HIKESHI: variants seen among roughly 807,000 people sequenced by gnomAD.
HIKESHI encodes the protein protein Hikeshi.
HIKESHI carries 13 observed loss-of-function variants against 25.7 expected under a neutral mutation model. That is an observed-to-expected ratio of 0.51 (90% CI 0.33 to 0.80). HIKESHI has a LOEUF of 0.80. HIKESHI is among the 30% of genes least tolerant of loss of function. The probability of loss-of-function intolerance (pLI) is 0.02; values close to 1 mark genes in which losing one functional copy is unlikely to be tolerated. For synonymous variants in HIKESHI, 76 were observed against 78.7 expected, an observed-to-expected ratio of 0.97 and a Z score of 0.18; for missense variants, 174 against 229.5, an observed-to-expected ratio of 0.76 and a Z score of 1.56.
intron 4 of HIKESHI, 60 bp downstream of exon 4, chr11:86,344,781 C>G: frequency 9.0e-7 from 1 of 1,109,082 alleles, no homozygotes; most frequent in Non-Finnish European, 1.4e-6. Context: ...TCTATTTTGT[C>G]TATGAATATA....
At chr11:86,324,239 G>A (rs1017704374) in intron 2 of HIKESHI, 2 of 152,166 alleles carry the variant, frequency 1.3e-5, no homozygotes, top group African/African-American at 4.8e-5. Context: ...TAGAACTCCT[G>A]CGCTCAAACA....
chr11:86,336,478 G>A (rs1481900224), intron 2 of HIKESHI, among the ~76,000 whole-genome samples: 1 of 152,130 alleles, frequency 6.6e-6, no homozygotes, highest in East Asian at 1.9e-4. Context: ...AAGATCACTT[G>A]CCCTACTACC....
At chr11:86,309,567 T>C (rs1236608883) in intron 2 of HIKESHI, among the ~76,000 whole-genome samples, 3 of 152,220 alleles carry the variant, frequency 2.0e-5, no homozygotes, top group Admixed American at 2.0e-4. Flanking sequence ...AGAAGTTCTT[T>C]AGTTTAATTA....
intron 2 of HIKESHI, among the ~76,000 whole-genome samples, chr11:86,320,597 T>C (rs1332452225): frequency 6.6e-6 from 1 of 152,066 alleles, no homozygotes. Flanking sequence ...GCAAAGAAAA[T>C]TTATTTTTTA....
chr11:86,333,542 A>G (rs887304635), intron 2 of HIKESHI, among the ~76,000 whole-genome samples: 1 of 130,922 alleles, frequency 7.6e-6, no homozygotes, highest in Admixed American at 8.3e-5. Flanking sequence ...CTCAACAACA[A>G]CAACAACAAA....
chr11:86,328,723 T>G (rs1947346750), intron 2 of HIKESHI, among the ~76,000 whole-genome samples: 1 of 152,024 alleles, frequency 6.6e-6, no homozygotes, highest in Admixed American at 6.5e-5. Context: ...ATTACAGGCA[T>G]GAGCCACCAT....
rs571974010 is a variant in HIKESHI, at chr11:86,311,755, C to T, written c.268+5273C>T. Among the ~76,000 whole-genome samples the T allele has an allele frequency of 7.2e-5, 11 of 152,212 alleles. No individual in the cohort carries two copies. In the East Asian group the frequency reaches 2.1e-3, roughly 29 times the overall value. On this transcript the variant is annotated intron_variant, in intron 2 of 4. Transcript: ENST00000278483. ...AATGTGTCCCAGAGTTTCTGGTATGCTGTGTCTTTATTCTTATTGGTTTCA... is the reference window on the plus strand; with the variant it reads ...AATGTGTCCCAGAGTTTCTGGTATGTTGTGTCTTTATTCTTATTGGTTTCA...
chr11:86,307,971 A>ATAT (rs201641902), intron 2 of HIKESHI, among the ~76,000 whole-genome samples: 7,257 of 74,478 alleles, frequency 0.097, 2,321 homozygotes, highest in African/African-American at 0.2. Flanking sequence ...TATAAAATAT[A>ATAT]TATGTGTAAT....
chr11:86,337,318 A>G (rs1450041400), intron 2 of HIKESHI, 61 bp from the exon 3 acceptor site: 1 of 1,480,396 alleles, frequency 6.8e-7, no homozygotes, highest in South Asian at 1.3e-5. Flanking sequence ...TAAATTTACA[A>G]AGGAAATTGT....
In HIKESHI at chr11:86,311,396, C is replaced by T. The variant is rs112642017; in HGVS notation, c.268+4914C>T. 6.5e-3 allele frequency among the ~76,000 whole-genome samples: 991 copies of T among 152,192 alleles called. 14 individuals carry two copies. Among genetic ancestry groups the T allele is most frequent in the African/African-American group, 0.022 (901 of 41,526 alleles). Reference sequence around the variant, plus strand: ...ATGGTAGTTTGTATTTCTGTGGGATCGGTGGTGATATCCCCTTTATCATTT... The same window carrying T: ...ATGGTAGTTTGTATTTCTGTGGGATTGGTGGTGATATCCCCTTTATCATTT... On this transcript the variant is annotated intron_variant, in intron 2 of 4. Transcript: ENST00000278483.
chr11:86,313,756 A>G (rs1359036223), intron 2 of HIKESHI, among the ~76,000 whole-genome samples: 1 of 152,164 alleles, frequency 6.6e-6, no homozygotes, highest in African/African-American at 2.4e-5. Context: ...CAAAGTGTGG[A>G]GGGAGAATAG....
At chr11:86,328,696 G>T (rs1469483962) in intron 2 of HIKESHI, among the ~76,000 whole-genome samples, 1 of 151,774 alleles carries the variant, frequency 6.6e-6, no homozygotes, top group Non-Finnish European at 1.5e-5. Flanking sequence ...CCTGCCTCGG[G>T]CTTCCAAAGT....
chr11:86,328,458 G>A (rs1172963352), intron 2 of HIKESHI, among the ~76,000 whole-genome samples: 1 of 149,320 alleles, frequency 6.7e-6, no homozygotes. Flanking sequence ...TTGAGACGGA[G>A]TCTGGCTCTG....
chr11:86,311,144 A>G (rs1946823136), intron 2 of HIKESHI, among the ~76,000 whole-genome samples: 1 of 152,184 alleles, frequency 6.6e-6, no homozygotes, highest in Non-Finnish European at 1.5e-5. Flanking sequence ...GGTACCAGCT[A>G]TTCTTTGTAC....
At chr11:86,334,488 T>C (rs1310566757) in intron 2 of HIKESHI, among the ~76,000 whole-genome samples, 3 of 152,226 alleles carry the variant, frequency 2.0e-5, no homozygotes, top group Admixed American at 2.0e-4. Context: ...CTTGATCTAA[T>C]TTACATTTGT....
intron 4 of HIKESHI, chr11:86,345,063 A>C: frequency 1.0e-6 from 1 of 1,001,698 alleles, no homozygotes; most frequent in Non-Finnish European, 1.2e-6. Context: ...TGGCTAATGA[A>C]TCTATTTTCC....
chr11:86,328,972 G>A (rs1335951979), intron 2 of HIKESHI, among the ~76,000 whole-genome samples: 2 of 151,398 alleles, frequency 1.3e-5, no homozygotes, highest in African/African-American at 4.9e-5. Context: ...TGTAACTGCT[G>A]TTTTCTGCCA....
chr11:86,314,468 A>G (rs892270346), intron 2 of HIKESHI, among the ~76,000 whole-genome samples: 2 of 152,156 alleles, frequency 1.3e-5, no homozygotes, highest in African/African-American at 4.8e-5. Flanking sequence ...ACAAAAAATT[A>G]GCCAGGCATG....
rs1465198987 is a variant in HIKESHI, at chr11:86,302,306, C to T, written c.-143C>T. 1.3e-5 allele frequency: 13 copies of T among 977,694 alleles called. No individual in the cohort carries two copies. Among genetic ancestry groups the T allele is most frequent in the Non-Finnish European group, 2.0e-5 (13 of 640,850 alleles). The allele number at this position is 977,694 out of a possible 1,614,324, so 60.6% of individuals were successfully genotyped here. On this transcript the variant is annotated 5_prime_UTR_variant, in exon 1 of 5. Coordinates refer to ENST00000278483, the MANE Select transcript of HIKESHI (RefSeq NM_016401.4). ...TTCGCGGGGGCAGAGGCATTCTTGC[C>T]GCTGGCCCAGTCACTATGTAGTGGA...
Sources: gnomAD v4.1 joint callset for allele counts (sites outside exome capture counted in the v4.1 genomes callset) on GRCh38, gnomAD v4.1.1 for gene constraint, MANE v1.5 for transcripts, NCBI Gene and HGNC (gene_info 2026-07-23, HGNC 2026-07-21) for gene names.